Variants in GPC6 observed in about 807,000 individuals in gnomAD.
GPC6 encodes glypican-6.
GPC6 carries 14 observed loss-of-function variants against 55.2 expected under a neutral mutation model. The observed-to-expected ratio is 0.25, with a 90% CI of 0.17 to 0.40. The LOEUF is 0.40. GPC6 is among the 10% of genes least tolerant of loss of function. The pLI, the probability that GPC6 is intolerant of heterozygous loss-of-function variation, is 1.00. For missense variants in GPC6, 641 were observed against 708.5 expected, an observed-to-expected ratio of 0.90 and a Z score of 1.08; for synonymous variants, 278 against 259.6, an observed-to-expected ratio of 1.07 and a Z score of -0.68.
chr13:93,909,034 A>C (rs1478485422), intron 3 of GPC6, among the ~76,000 whole-genome samples: 1 of 152,114 alleles, frequency 6.6e-6, no homozygotes, highest in Non-Finnish European at 1.5e-5. Context: ...TATATTTATT[A>C]TCTTTCTGTC....
At chr13:94,234,153 G>C (rs781245809) in intron 4 of GPC6, among the ~76,000 whole-genome samples, 4 of 152,116 alleles carry the variant, frequency 2.6e-5, no homozygotes, top group Non-Finnish European at 5.9e-5. Flanking sequence ...AGACATCTGG[G>C]GAAACCGAGG....
intron 3 of GPC6, among the ~76,000 whole-genome samples, chr13:93,897,219 A>G (rs1201003635): frequency 6.6e-6 from 1 of 152,034 alleles, no homozygotes; most frequent in African/African-American, 2.4e-5. Flanking sequence ...ATACAAATAA[A>G]CAGTTAAATA....
In GPC6 at chr13:94,406,713, C is replaced by T. The variant is rs906683170; in HGVS notation, c.*3496C>T. On this transcript the variant is annotated 3_prime_UTR_variant, in exon 9 of 9. Coordinates refer to ENST00000377047, the MANE Select transcript of GPC6 (RefSeq NM_005708.5). The stretch of plus-strand genomic sequence containing the variant: ...TTCTTTTGCCATTACATACATGTTT[C>T]GGCTACAGACTGAACACGAACTAAA... 5.3e-5 allele frequency: 8 copies of T among 152,062 alleles called. No homozygotes were observed. Among genetic ancestry groups the T allele is most frequent in the Non-Finnish European group, 1.2e-4 (8 of 67,952 alleles). The allele number at this position is 152,062 out of a possible 1,614,324, so 9.4% of individuals were successfully genotyped here. A position where few individuals can be genotyped will look rare whatever the true frequency, so the allele number is the denominator to read the frequency against.
At chr13:94,302,361 G>GT (rs951690713) in intron 5 of GPC6, among the ~76,000 whole-genome samples, 16 of 152,186 alleles carry the variant, frequency 1.1e-4, no homozygotes, top group Non-Finnish European at 2.2e-4. Context: ...ATTTGTTGTT[G>GT]TTTTTTTAAT....
intron 3 of GPC6, among the ~76,000 whole-genome samples, chr13:93,969,610 G>A (rs1307914504): frequency 6.6e-6 from 1 of 151,746 alleles, no homozygotes; most frequent in South Asian, 2.1e-4. Flanking sequence ...TTTTTACACT[G>A]TTTAAGATTG....
At chr13:93,398,169 T>C (rs1382314668) in intron 1 of GPC6, among the ~76,000 whole-genome samples, 2 of 152,152 alleles carry the variant, frequency 1.3e-5, no homozygotes, top group Non-Finnish European at 2.9e-5. Context: ...GAGAGAAAGA[T>C]AGCATATTAA....
chr13:93,302,320 G>A (rs1405537346), intron 1 of GPC6, among the ~76,000 whole-genome samples: 2 of 152,132 alleles, frequency 1.3e-5, no homozygotes, highest in Non-Finnish European at 2.9e-5. Flanking sequence ...AATGGCATAT[G>A]GTCCATCTAT....
At chr13:94,310,852 G>A (rs779248047) in intron 6 of GPC6, among the ~76,000 whole-genome samples, 8 of 152,094 alleles carry the variant, frequency 5.3e-5, no homozygotes, top group Non-Finnish European at 1.2e-4. Context: ...CAGACGATGC[G>A]TAGTCCGCCT....
chr13:93,763,777 T>C (rs898332929), intron 2 of GPC6, among the ~76,000 whole-genome samples: 3 of 152,076 alleles, frequency 2.0e-5, no homozygotes, highest in African/African-American at 7.2e-5. Context: ...GACCCTACGC[T>C]TTCTCCCCAA....
At chr13:93,790,354 A>G (rs1885991419) in intron 2 of GPC6, among the ~76,000 whole-genome samples, 1 of 152,226 alleles carries the variant, frequency 6.6e-6, no homozygotes, top group African/African-American at 2.4e-5. Flanking sequence ...AAATGTGGAC[A>G]CTACAGATTC....
At chr13:94,309,668 G>C (rs1317156271) in intron 6 of GPC6, among the ~76,000 whole-genome samples, 1 of 145,438 alleles carries the variant, frequency 6.9e-6, no homozygotes, top group Non-Finnish European at 1.5e-5. Flanking sequence ...CCAAGAATGA[G>C]TGAATGTATT....
chr13:93,277,474 A>AAAG (rs1309117467), intron 1 of GPC6, among the ~76,000 whole-genome samples: 1 of 152,198 alleles, frequency 6.6e-6, no homozygotes, highest in African/African-American at 2.4e-5. Context: ...GGAGGCATTA[A>AAAG]AAGCTTATAA....
intron 6 of GPC6, among the ~76,000 whole-genome samples, chr13:94,356,111 A>C (rs142593080): frequency 6.6e-6 from 1 of 152,188 alleles, no homozygotes; most frequent in Non-Finnish European, 1.5e-5. Flanking sequence ...GTCCCTGCAA[A>C]GGACATGATC....
chr13:93,409,111 G>T (rs921810045), intron 1 of GPC6, among the ~76,000 whole-genome samples: 1 of 151,546 alleles, frequency 6.6e-6, no homozygotes, highest in Non-Finnish European at 1.5e-5. Context: ...AAACAAATTT[G>T]CTTTATCAAG....
chr13:93,218,722 T>C, the GPC6 span, among the ~76,000 whole-genome samples: 3 of 152,202 alleles, frequency 2.0e-5, no homozygotes, highest in Admixed American at 1.3e-4. Flanking sequence ...AGAGTTGTTT[T>C]CCTGACTTAG....
Position 94,403,744 on chromosome 13 carries a change from TG to T in GPC6, c.*531del, listed in dbSNP as rs923655200. The T allele has an allele frequency of 1.6e-5, 3 of 193,412 alleles. No homozygotes were observed. The highest frequency in any genetic ancestry group is 1.1e-4 in the Admixed American group (2 of 18,846). 12.0% of individuals were successfully genotyped at this position (193,412 alleles called of 1,614,324 possible). On this transcript the variant is annotated 3_prime_UTR_variant, in exon 9 of 9. Transcript: ENST00000377047. ...ACAAATCCGGGTTTAAAAATGCTTA[TG>T]GGGAGAAAGCTTAAAGTTTGTTCTA...
intron 1 of GPC6, among the ~76,000 whole-genome samples, chr13:93,230,183 G>T (rs1274348250): frequency 6.6e-6 from 1 of 152,148 alleles, no homozygotes; most frequent in Non-Finnish European, 1.5e-5. Flanking sequence ...CATGACAGCT[G>T]TTTCTAATTG....
At chr13:93,548,910 G>A (rs1874974200) in intron 2 of GPC6, among the ~76,000 whole-genome samples, 1 of 152,088 alleles carries the variant, frequency 6.6e-6, no homozygotes, top group African/African-American at 2.4e-5. Flanking sequence ...ATGTAATAGA[G>A]GTTTCTTGAC....
intron 2 of GPC6, among the ~76,000 whole-genome samples, chr13:93,718,570 A>G (rs56167811): frequency 0.026 from 3,906 of 152,042 alleles, 187 homozygotes; most frequent in African/African-American, 0.089. Flanking sequence ...GTTCACTCTG[A>G]TGATAGTTTA....
Sources: gnomAD v4.1 joint callset for allele counts (sites outside exome capture counted in the v4.1 genomes callset) on GRCh38, gnomAD v4.1.1 for gene constraint, MANE v1.5 for transcripts, NCBI Gene and HGNC (gene_info 2026-07-23, HGNC 2026-07-21) for gene names.